The following ADAT3 variants were observed in gnomAD, a reference collection of about 807,000 sequenced individuals.
The protein encoded by ADAT3 is tRNA-specific adenosine-34 deaminase regulatory subunit ADAT3.
A neutral mutation model predicts 3.5 loss-of-function variants in ADAT3; 2 were observed. The observed-to-expected ratio is 0.57, with a 90% CI of 0.23 to 1.79. ADAT3 has a LOEUF of 1.79. Among genes scored for constraint, ADAT3 ranks in the 40% most tolerant of loss-of-function variants. The pLI, the probability that ADAT3 is intolerant of heterozygous loss-of-function variation, is 0.18. For synonymous variants in ADAT3, 358 were observed against 270.3 expected, an observed-to-expected ratio of 1.32 and a Z score of -3.18; for missense variants, 735 against 571.4, an observed-to-expected ratio of 1.29 and a Z score of -2.92.
chr19:1,912,153 G>C lies in ADAT3; in HGVS notation c.106G>C (p.Glu36Gln), dbSNP rs745631241. ...QPKCLEAGSP[E>Q]PEPAPWQALP... is the part of the protein sequence containing the mutation. ...CAAGTGCTTGGAGGCCGGGAGCCCG[G>C]AGCCTGAGCCGGCGCCGTGGCAGGC... The change falls in exon 2 of 2, where the codon GAG becomes CAG. Residue 36 changes from glutamate to glutamine, a missense_variant. Physicochemically the swap from Glu to Gln is conservative, Grantham distance 29. Coordinates refer to ENST00000329478, the MANE Select transcript of ADAT3 (RefSeq NM_138422.4). 6.4e-7 allele frequency: 1 copy of C among 1,568,280 alleles called. No homozygotes were observed. Among genetic ancestry groups the C allele is most frequent in the East Asian group, 2.3e-5 (1 of 43,036 alleles).
chr19:1,911,110 T>C (rs890924955), intron 1 of ADAT3, among the ~76,000 whole-genome samples: 4 of 151,800 alleles, frequency 2.6e-5, no homozygotes, highest in Admixed American at 6.6e-5. Flanking sequence ...CTCCTGACCT[T>C]GTGATCCGCC....
In ADAT3 at chr19:1,912,306, G is replaced by T. The variant is rs1385656959; in HGVS notation, c.259G>T (p.Ala87Ser). Reference protein sequence around the residue: ...KEVSALHPLPAQPHLKRVRPS... With the variant: ...KEVSALHPLPSQPHLKRVRPS... The stretch of plus-strand genomic sequence containing the variant: ...GGTGTCGGCCCTGCACCCGCTCCCC[G>T]CCCAGCCTCACCTCAAGCGGGTGCG... Residue 87 changes from alanine (A) to serine (S), a missense_variant, in exon 2 of 2, where the codon GCC becomes TCC. Ala to Ser is a moderately conservative substitution (Grantham distance 99). Coordinates refer to ENST00000329478, the MANE Select transcript of ADAT3 (RefSeq NM_138422.4). 2 of 1,559,518 alleles carry T rather than the reference G, an allele frequency of 1.3e-6. No homozygotes were observed. Among genetic ancestry groups the T allele is most frequent in the Non-Finnish European group, 1.7e-6 (2 of 1,158,984 alleles).
intron 1 of ADAT3, chr19:1,906,605 C>T (rs924011577): frequency 6.6e-6 from 1 of 151,880 alleles, no homozygotes; most frequent in East Asian, 1.9e-4. Flanking sequence ...AATCCTAGCA[C>T]TTTGGGAGGC....
rs1185542395 is a variant in ADAT3, at chr19:1,912,677, C to T, written c.630C>T (p.Ala210=). 3.5e-6 allele frequency: 5 copies of T among 1,442,792 alleles called. No homozygotes were observed. The South Asian group carries it at 4.2e-5, about 12-fold the overall frequency. 89.4% of individuals were successfully genotyped at this position (1,442,792 alleles called of 1,614,324 possible). A position where few individuals can be genotyped will look rare whatever the true frequency, so the allele number is the denominator to read the frequency against. Residue 210 remains alanine, a synonymous_variant, in exon 2 of 2, where the codon GCC becomes GCT. Transcript: ENST00000329478. ...ARRAAARGLR[A]VGAVVVDPAS... ...GGGCAGCAGCGCGGGGCTTGCGGGC[C>T]GTGGGGGCCGTGGTAGTGGACCCGG...
chr19:1,912,814 C>G lies in ADAT3; in HGVS notation c.767C>G (p.Thr256Ser), dbSNP rs201674307. The G allele has an allele frequency of 1.3e-6, 2 of 1,587,000 alleles. No individual in the cohort carries two copies. The highest frequency in any genetic ancestry group is 3.5e-5 in the Admixed American group (2 of 57,948). ...DLVARGQGRG[T>S]YDFRPFPACS... ...GTGGCGCGCGGCCAGGGCCGCGGCACCTACGACTTCAGACCCTTCCCCGCC... is the reference window on the plus strand; with the variant it reads ...GTGGCGCGCGGCCAGGGCCGCGGCAGCTACGACTTCAGACCCTTCCCCGCC... Residue 256 changes from threonine (T) to serine (S), a missense_variant, in exon 2 of 2, where the codon ACC becomes AGC. Coordinates refer to ENST00000329478, the MANE Select transcript of ADAT3 (RefSeq NM_138422.4).
intron 1 of ADAT3, among the ~76,000 whole-genome samples, chr19:1,910,812 T>G (rs998307703): frequency 2.0e-5 from 3 of 151,872 alleles, no homozygotes; most frequent in Non-Finnish European, 4.4e-5. Flanking sequence ...CGTGGCCTCA[T>G]GATCTGCCCG....
At position 1,912,824 on chromosome 19, in the gene ADAT3, CA is replaced by C; in HGVS notation, c.778del (p.Arg260AspfsTer43). 1 of 1,590,484 alleles carries C rather than the reference CA, an allele frequency of 6.3e-7. No individual in the cohort carries two copies. Among genetic ancestry groups the C allele is most frequent in the Non-Finnish European group, 8.5e-7 (1 of 1,175,426 alleles). On this transcript the variant is annotated frameshift_variant, in exon 2 of 2. Transcript: ENST00000329478. LOFTEE classifies it low-confidence loss of function (END_TRUNC). Reference sequence around the variant, plus strand: ...GCCAGGGCCGCGGCACCTACGACTTCAGACCCTTCCCCGCCTGCTCCTTCGC... The same window carrying C: ...GCCAGGGCCGCGGCACCTACGACTTCGACCCTTCCCCGCCTGCTCCTTCGC... Reference protein sequence around the residue: ...RGQGRGTYDFRPFPACSFAPA... With the variant: ...RGQGRGTYDFXPFPACSFAPA...
chr19:1,909,411 C>T (rs1372926549), intron 1 of ADAT3, among the ~76,000 whole-genome samples: 4 of 152,204 alleles, frequency 2.6e-5, no homozygotes, highest in Non-Finnish European at 5.9e-5. Flanking sequence ...CCCACCAGCC[C>T]TTCCTCTCCA....
At chr19:1,909,399 G>A (rs958586741) in intron 1 of ADAT3, among the ~76,000 whole-genome samples, 9 of 152,146 alleles carry the variant, frequency 5.9e-5, no homozygotes, top group African/African-American at 2.2e-4. Flanking sequence ...AGAGCTGGGG[G>A]CCCCACCAGC....
In ADAT3 at chr19:1,912,397, C is replaced by T. The variant is rs758084301; in HGVS notation, c.350C>T (p.Ser117Leu). Residue 117 changes from serine (S) to leucine (L), a missense_variant, in exon 2 of 2, where the codon TCG becomes TTG. Physicochemically the swap from Ser to Leu is moderately radical, Grantham distance 145 (BLOSUM62 -2). Coordinates refer to ENST00000329478, the MANE Select transcript of ADAT3 (RefSeq NM_138422.4). The stretch of plus-strand genomic sequence containing the variant: ...CTGCTTTGCCTGGCTGGGCCGGCCT[C>T]GGGCCCGCGCTCGCTGGCTGAGCTC... The part of the protein sequence containing the change: ...EMLLCLAGPA[S>L]GPRSLAELLP... The T allele has an allele frequency of 1.2e-5, 18 of 1,515,626 alleles. No homozygotes were observed. Among genetic ancestry groups the T allele is most frequent in the African/African-American group, 2.9e-5 (2 of 69,622 alleles). 93.9% of individuals were successfully genotyped at this position (1,515,626 alleles called of 1,614,324 possible).
At chr19:1,905,526 G>A (rs1230559884) in intron 1 of ADAT3, 87 bp downstream of exon 1, 11 of 359,554 alleles carry the variant, frequency 3.1e-5, no homozygotes, top group Non-Finnish European at 6.1e-5. Flanking sequence ...GGTCTCGGCG[G>A]TGAGGGGCGC....
Position 1,908,507 on chromosome 19 carries a change from AG to A in ADAT3, c.-159+3069del. The A allele has an allele frequency of 2.1e-6, 1 of 471,052 alleles. No individual in the cohort carries two copies. The highest frequency in any genetic ancestry group is 4.4e-6 in the Non-Finnish European group (1 of 226,998). 29.2% of individuals were successfully genotyped at this position (471,052 alleles called of 1,614,324 possible). A position where few individuals can be genotyped will look rare whatever the true frequency, so the allele number is the denominator to read the frequency against. On this transcript the variant is annotated intron_variant, in intron 1 of 1. Coordinates refer to ENST00000329478, the MANE Select transcript of ADAT3 (RefSeq NM_138422.4). The surrounding 1 kb of genome is among the most constrained non-coding windows in gnomAD (Gnocchi z 4.2). ...GTCTGCGGGAGGAGCCGTCCATACC[AG>A]CGGGGATGTGTAGTCCAGGCTGGCA...
chr19:1,905,802 G>C (rs1277251199), intron 1 of ADAT3: 4 of 152,496 alleles, frequency 2.6e-5, no homozygotes, highest in Non-Finnish European at 5.9e-5. Context: ...CCCTGCCTCT[G>C]AACCGCGCTC....
At chr19:1,911,626 C>G (rs918796586) in intron 1 of ADAT3, among the ~76,000 whole-genome samples, 17 of 152,048 alleles carry the variant, frequency 1.1e-4, no homozygotes, top group African/African-American at 3.9e-4. Flanking sequence ...ACTAAAAATA[C>G]ACAAAAATTA....
chr19:1,913,090 G>C lies in ADAT3; in HGVS notation c.1043G>C (p.Arg348Pro). 4 of 1,599,832 alleles carry C rather than the reference G, an allele frequency of 2.5e-6. No homozygotes were observed. The highest frequency in any genetic ancestry group is 2.5e-6 in the Non-Finnish European group (3 of 1,177,634). The change falls in exon 2 of 2, where the codon CGC (arginine) becomes CCC (proline). Residue 348 changes from arginine (R) to proline (P), a missense_variant. Physicochemically the swap from Arg to Pro is moderately radical, Grantham distance 103. Coordinates refer to ENST00000329478, the MANE Select transcript of ADAT3 (RefSeq NM_138422.4). The part of the protein sequence containing the change: ...RIHARPDLNH[R>P]FQVFRGVLEE... ...CACGCACGGCCCGACCTCAACCACCGCTTCCAGGTGTTCCGCGGGGTGCTG... is the reference window on the plus strand; with the variant it reads ...CACGCACGGCCCGACCTCAACCACCCCTTCCAGGTGTTCCGCGGGGTGCTG...
Position 1,912,759 on chromosome 19 carries a change from C to T in ADAT3, c.712C>T (p.Leu238=), listed in dbSNP as rs552307595. 8 of 1,555,028 alleles carry T rather than the reference C, an allele frequency of 5.1e-6. No homozygotes were observed. The highest frequency in any genetic ancestry group is 4.6e-5 in the South Asian group (4 of 86,374). ...HDCSCADNPL[L]HAVMVCVDLV... ...CTGCAGCTGCGCGGACAACCCCCTC[C>T]TGCACGCCGTCATGGTGTGCGTGGA... The change falls in exon 2 of 2, where the codon CTG becomes TTG. Residue 238 remains leucine, a synonymous_variant. Transcript: ENST00000329478.
Position 1,912,586 on chromosome 19 carries a change from T to A in ADAT3, c.539T>A (p.Leu180His). The change falls in exon 2 of 2, where the codon CTC (leucine) becomes CAC (histidine). Residue 180 changes from leucine to histidine, a missense_variant. By Grantham distance (99) the Leu-to-His change is moderately conservative. Transcript: ENST00000329478. Reference protein sequence around the residue: ...KQVTSALAGRLFSTQERAAMQ... With the variant: ...KQVTSALAGRHFSTQERAAMQ... Reference sequence around the variant, plus strand: ...GTGACCAGCGCCCTGGCTGGGCGGCTCTTCTCCACGCAGGAGCGCGCCGCC... The same window carrying A: ...GTGACCAGCGCCCTGGCTGGGCGGCACTTCTCCACGCAGGAGCGCGCCGCC... 6.7e-7 allele frequency: 1 copy of A among 1,494,860 alleles called. No homozygotes were observed. The highest frequency in any genetic ancestry group is 8.9e-7 in the Non-Finnish European group (1 of 1,128,982). The allele number at this position is 1,494,860 out of a possible 1,614,324, so 92.6% of individuals were successfully genotyped here. A position where few individuals can be genotyped will look rare whatever the true frequency, so the allele number is the denominator to read the frequency against.
At position 1,907,547 on chromosome 19, in the gene ADAT3, T is replaced by C. The variant is rs566451601; in HGVS notation, c.-159+2108T>C. ...CAGGTTGGGGACTGGGTGTGTTTTC[T>C]GGGTGGACATACCCAGGTCCCGGCG... On this transcript the variant is annotated intron_variant, in intron 1 of 1. Coordinates refer to ENST00000329478, the MANE Select transcript of ADAT3 (RefSeq NM_138422.4). Among the ~76,000 whole-genome samples the C allele has an allele frequency of 3.9e-5, 6 of 152,282 alleles. No individual in the cohort carries two copies. The South Asian group carries it at 1.2e-3, about 32-fold the overall frequency.
chr19:1,905,477 T>C (rs1293905351), intron 1 of ADAT3, 38 bp downstream of exon 1: 6 of 447,414 alleles, frequency 1.3e-5, no homozygotes, highest in South Asian at 6.5e-5. Flanking sequence ...TTCTCCAGGC[T>C]CAGACTTCCC....
Sources: gnomAD v4.1 joint callset for allele counts (sites outside exome capture counted in the v4.1 genomes callset) on GRCh38, gnomAD v4.1.1 for gene constraint, Gnocchi (gnomAD v3.1) non-coding constraint, MANE v1.5 for transcripts, NCBI Gene and HGNC (gene_info 2026-07-23, HGNC 2026-07-21) for gene names.